SGO2: variants seen among roughly 807,000 people sequenced by gnomAD.
SGO2 encodes the protein shugoshin-like 2.
Under a neutral mutation model 99.5 loss-of-function variants are expected in SGO2, and 68 were observed. That is an observed-to-expected ratio of 0.68 (90% confidence interval 0.56 to 0.84). The LOEUF (loss-of-function observed/expected upper bound fraction) is 0.84. Ranked by LOEUF, SGO2 falls within the 40% of genes least tolerant of loss-of-function variation. The pLI is 0.00. For missense variants in SGO2, 1,350 were observed against 1,436.7 expected, an observed-to-expected ratio of 0.94 and a Z score of 0.97; for synonymous variants, 457 against 487.1, an observed-to-expected ratio of 0.94 and a Z score of 0.81.
intron 5 of SGO2, among the ~76,000 whole-genome samples, chr2:200,562,392 T>C (rs1447835290): frequency 3.3e-5 from 5 of 152,088 alleles, no homozygotes; most frequent in African/African-American, 1.2e-4. Context: ...TTTTTGAGGG[T>C]TCTGTTCTGT....
intron 5 of SGO2, among the ~76,000 whole-genome samples, chr2:200,565,765 A>G (rs940722283): frequency 6.6e-6 from 1 of 152,052 alleles, no homozygotes; most frequent in Non-Finnish European, 1.5e-5. Context: ...TCATTTCTTT[A>G]TACTCTTTTT....
intron 5 of SGO2, among the ~76,000 whole-genome samples, chr2:200,563,229 C>A (rs182859470): frequency 6.6e-6 from 1 of 152,232 alleles, no homozygotes; most frequent in Admixed American, 6.5e-5. Flanking sequence ...TGAGATACAT[C>A]CCATCAATAC....
intron 5 of SGO2, 33 bp from the exon 6 acceptor site, chr2:200,569,630 A>T (rs1237201564): frequency 2.7e-6 from 4 of 1,507,738 alleles, no homozygotes; most frequent in African/African-American, 1.4e-5. Context: ...TATAAAACAC[A>T]TAATTTCTCA....
Position 200,526,492 on chromosome 2 carries a change from G to A in SGO2, c.-3+240G>A, listed in dbSNP as rs1304349315. 2.6e-5 allele frequency among the ~76,000 whole-genome samples: 4 copies of A among 152,182 alleles called. No individual in the cohort carries two copies. The highest frequency in any genetic ancestry group is 7.2e-5 in the African/African-American group (3 of 41,436). On this transcript the variant is annotated intron_variant, in intron 1 of 8. Transcript: ENST00000357799. This position sits in a 1 kb window ranked among gnomAD's most constrained non-coding sequence, Gnocchi z 4.8. ...GAGATTTGAGCGTCCGGCAGGGCGA[G>A]CGGGGAGAGCCACCAGTTAGGTCAG...
Position 200,572,932 on chromosome 2 carries a change from T to A in SGO2, c.2586T>A (p.Phe862Leu). 6.3e-7 allele frequency: 1 copy of A among 1,598,508 alleles called. No homozygotes were observed. Among genetic ancestry groups the A allele is most frequent in the Non-Finnish European group, 8.5e-7 (1 of 1,175,070 alleles). ...AAAATCTACAAGTCACAAATGAATT[T>A]CAAACAGTTGATCTTCTCATCAAAG... Reference protein sequence around the residue: ...ISENLQVTNEFQTVDLLIKDN... With the variant: ...ISENLQVTNELQTVDLLIKDN... The change falls in exon 7 of 9, where the codon TTT (phenylalanine) becomes TTA (leucine). Residue 862 changes from phenylalanine (F) to leucine (L), a missense_variant. Physicochemically the swap from Phe to Leu is conservative, Grantham distance 22 (BLOSUM62 0). Coordinates refer to ENST00000357799, the MANE Select transcript of SGO2 (RefSeq NM_152524.6).
chr2:200,533,558 A>G (rs1183382663), intron 2 of SGO2, among the ~76,000 whole-genome samples: 1 of 128,868 alleles, frequency 7.8e-6, no homozygotes, highest in African/African-American at 2.9e-5. Context: ...TATACATGTG[A>G]CTTTATATAG....
intron 1 of SGO2, among the ~76,000 whole-genome samples, chr2:200,529,168 A>C (rs1369704794): frequency 1.3e-5 from 2 of 152,224 alleles, no homozygotes; most frequent in Non-Finnish European, 2.9e-5. Context: ...ATCAGGTCAT[A>C]GCATTCCAGC....
intron 5 of SGO2, among the ~76,000 whole-genome samples, chr2:200,567,584 G>T (rs971791162): frequency 6.6e-6 from 1 of 151,934 alleles, no homozygotes; most frequent in Non-Finnish European, 1.5e-5. Context: ...TCTCTAAAAG[G>T]GAATCTCATA....
chr2:200,567,774 C>T (rs1374956580), intron 5 of SGO2, among the ~76,000 whole-genome samples: 5 of 152,164 alleles, frequency 3.3e-5, no homozygotes, highest in African/African-American at 4.8e-5. Flanking sequence ...CATGTTGTAG[C>T]ACATATGAGC....
rs375403638 is a variant in SGO2 at position 200,570,538 on chromosome 2, C to T, written c.704-512C>T. On this transcript the variant is annotated intron_variant, in intron 6 of 8. Coordinates refer to ENST00000357799, the MANE Select transcript of SGO2 (RefSeq NM_152524.6). This position sits in a 1 kb window ranked among gnomAD's most constrained non-coding sequence, Gnocchi z 4.4. ...CATATGTATATGTATATAATATATA[C>T]ACACACACATATATACACACATATA... Among the ~76,000 whole-genome samples the T allele has an allele frequency of 1.0e-4, 14 of 139,996 alleles. No homozygotes were observed. Among genetic ancestry groups the T allele is most frequent in the East Asian group, 4.3e-4 (2 of 4,648 alleles). 91.8% of individuals were successfully genotyped at this position (139,996 alleles called of 152,430 possible).
intron 5 of SGO2, among the ~76,000 whole-genome samples, chr2:200,564,328 C>G (rs547574778): frequency 6.6e-6 from 1 of 152,200 alleles, no homozygotes; most frequent in Non-Finnish European, 1.5e-5. Context: ...ACCCAGTAGT[C>G]ATTCAGGAAC....
rs773076199 is a variant in SGO2 at position 200,571,387 on chromosome 2, A to T, written c.1041A>T (p.Gln347His). The T allele has an allele frequency of 6.2e-7, 1 of 1,610,506 alleles. No homozygotes were observed. Among genetic ancestry groups the T allele is most frequent in the Non-Finnish European group, 8.5e-7 (1 of 1,177,304 alleles). The change falls in exon 7 of 9, where the codon CAA becomes CAT. Residue 347 changes from glutamine (Q) to histidine (H), a missense_variant. Physicochemically the swap from Gln to His is conservative, Grantham distance 24. Coordinates refer to ENST00000357799, the MANE Select transcript of SGO2 (RefSeq NM_152524.6). ...AACCTAATGCAGAGTGCATGAATCA[A>T]ATTGAGGATAATGATGACTTTCAAT... The part of the protein sequence containing the change: ...AREPNAECMN[Q>H]IEDNDDFQLQ...
intron 8 of SGO2, chr2:200,576,178 T>C (rs1047543073): frequency 7.5e-6 from 2 of 266,800 alleles, no homozygotes; most frequent in South Asian, 6.5e-5. Flanking sequence ...TAAGGCAGGG[T>C]AAAAGAAAAT....
intron 8 of SGO2, among the ~76,000 whole-genome samples, chr2:200,580,064 G>A (rs988164934): frequency 6.6e-6 from 1 of 151,982 alleles, no homozygotes; most frequent in Non-Finnish European, 1.5e-5. Flanking sequence ...GTTTTGTGTG[G>A]GATAGTTCCT....
At position 200,575,612 on chromosome 2, in the gene SGO2, A is replaced by G. The variant is rs895789440; in HGVS notation, c.3782+151A>G. 10 of 557,158 alleles carry G rather than the reference A, an allele frequency of 1.8e-5. No homozygotes were observed. The African/African-American group carries it at 1.9e-4, about 10-fold the overall frequency. 34.5% of individuals were successfully genotyped at this position (557,158 alleles called of 1,614,324 possible). On this transcript the variant is annotated intron_variant, in intron 8 of 8. Transcript: ENST00000357799. Reference sequence around the variant, plus strand: ...ACAGTATGATTTGGGTAAGAGTTGAAGAAATATGTCCTTTGGACAGGCTAT... The same window carrying G: ...ACAGTATGATTTGGGTAAGAGTTGAGGAAATATGTCCTTTGGACAGGCTAT...
In SGO2 at chr2:200,572,807, G is replaced by T; in HGVS notation, c.2461G>T (p.Glu821Ter). The change falls in exon 7 of 9, where the codon GAA (glutamate) becomes TAA (stop). Residue 821 changes from glutamate to a stop codon, truncating the protein, a stop_gained. Coordinates refer to ENST00000357799, the MANE Select transcript of SGO2 (RefSeq NM_152524.6). LOFTEE classifies it high-confidence loss of function. Reference sequence around the variant, plus strand: ...ATGTCAAAAGTCAGAAATAATTCCTGAAACCAACCAAATATATGAGAATGA... The same window carrying T: ...ATGTCAAAAGTCAGAAATAATTCCTTAAACCAACCAAATATATGAGAATGA... ...NVCQKSEIIP[E>*]TNQIYENDNK... 1 of 1,612,260 alleles carries T rather than the reference G, an allele frequency of 6.2e-7. No individual in the cohort carries two copies.
chr2:200,528,285 G>A (rs1005521173), intron 1 of SGO2, among the ~76,000 whole-genome samples: 1 of 152,074 alleles, frequency 6.6e-6, no homozygotes, highest in African/African-American at 2.4e-5. Context: ...ATAGATAGTC[G>A]GGGAGAAAAT....
At chr2:200,551,380 G>A (rs13409741) in intron 5 of SGO2, among the ~76,000 whole-genome samples, 2,669 of 152,090 alleles carry the variant, frequency 0.018, 96 homozygotes, top group African/African-American at 0.06. Flanking sequence ...GCACCAAAAG[G>A]CAAATATTCT....
intron 8 of SGO2, chr2:200,580,586 C>A: frequency 2.8e-6 from 1 of 351,212 alleles, no homozygotes; most frequent in Non-Finnish European, 5.6e-6. Flanking sequence ...AATCCCAATA[C>A]TTTGGGTGGC....
Sources: gnomAD v4.1 joint callset for allele counts (sites outside exome capture counted in the v4.1 genomes callset) on GRCh38, gnomAD v4.1.1 for gene constraint, Gnocchi (gnomAD v3.1) non-coding constraint, MANE v1.5 for transcripts, NCBI Gene and HGNC (gene_info 2026-07-23, HGNC 2026-07-21) for gene names.